WDR72: variants seen among roughly 807,000 people sequenced by gnomAD.
WDR72 encodes the protein WD repeat domain 72, also known as WD repeat-containing protein 72.
In WDR72, 120 loss-of-function variants were observed where a neutral mutation model predicts 124.2. The ratio of observed to expected loss-of-function variants is 0.97; its 90% CI spans 0.83 to 1.12. The LOEUF (loss-of-function observed/expected upper bound fraction) is 1.12. Ranked by LOEUF, WDR72 falls within the 50% of genes most tolerant of loss-of-function variation. The pLI, the probability that WDR72 is intolerant of heterozygous loss-of-function variation, is 0.00. For missense variants in WDR72, 1,387 were observed against 1,278.8 expected (o/e 1.08, Z -1.29); for synonymous variants, 452 against 441.7 (o/e 1.02, Z -0.29).
At chr15:53,659,340 C>T (rs1297558789) in intron 14 of WDR72, among the ~76,000 whole-genome samples, 1 of 152,130 alleles carries the variant, frequency 6.6e-6, no homozygotes, top group Non-Finnish European at 1.5e-5. Context: ...CCGTTGCTGG[C>T]ACTCCCCACC....
chr15:53,677,156 A>G (rs758995635), intron 13 of WDR72, among the ~76,000 whole-genome samples: 4 of 151,956 alleles, frequency 2.6e-5, no homozygotes, highest in Non-Finnish European at 4.4e-5. Flanking sequence ...TCCTGACCTC[A>G]TGATCCACCC....
At chr15:53,578,970 C>T (rs1426055589) in intron 18 of WDR72, among the ~76,000 whole-genome samples, 1 of 152,048 alleles carries the variant, frequency 6.6e-6, no homozygotes, top group Admixed American at 6.6e-5. Flanking sequence ...TTTGGGCTTC[C>T]CTGTGAGCAG....
chr15:53,589,961 A>C (rs1039478001), intron 18 of WDR72, among the ~76,000 whole-genome samples: 2 of 152,058 alleles, frequency 1.3e-5, no homozygotes, highest in Non-Finnish European at 2.9e-5. Context: ...GGCAAAAGGG[A>C]AATGATGAAA....
intron 3 of WDR72, among the ~76,000 whole-genome samples, chr15:53,717,214 AT>A (rs2017739395): frequency 6.6e-6 from 1 of 152,172 alleles, no homozygotes; most frequent in South Asian, 2.1e-4. Flanking sequence ...ATTTAGAAAA[AT>A]ATTATTATTT....
At chr15:53,629,371 T>C (rs1428692084) in intron 14 of WDR72, among the ~76,000 whole-genome samples, 2 of 151,524 alleles carry the variant, frequency 1.3e-5, no homozygotes, top group Non-Finnish European at 2.9e-5. Flanking sequence ...ATATATTAAC[T>C]CCAGATAAAA....
chr15:53,602,992 C>T (rs1038357233), intron 17 of WDR72, among the ~76,000 whole-genome samples: 1 of 152,076 alleles, frequency 6.6e-6, no homozygotes, highest in Non-Finnish European at 1.5e-5. Flanking sequence ...TTCTATGAGG[C>T]CAGCATCATC....
intron 14 of WDR72, among the ~76,000 whole-genome samples, chr15:53,653,028 CCTCTGTA>C (rs79839463): frequency 0.35 from 52,440 of 151,566 alleles, 10,397 homozygotes; most frequent in Middle Eastern, 0.56. Flanking sequence ...AGGTCACTAT[CCTCTGTA>C]CAACCAAGTC....
intron 18 of WDR72, among the ~76,000 whole-genome samples, chr15:53,530,585 T>C (rs550071375): frequency 5.3e-4 from 81 of 152,094 alleles, no homozygotes; most frequent in Middle Eastern, 3.4e-3. Context: ...TACCCACATA[T>C]TGATAAATTG....
chr15:53,523,424 C>T (rs565962859), intron 18 of WDR72, 102 bp from the exon 19 acceptor site: 3 of 1,070,552 alleles, frequency 2.8e-6, no homozygotes, highest in East Asian at 2.4e-5. Flanking sequence ...ACAGATATTT[C>T]CAGGGACACA....
In WDR72 at chr15:53,517,625, T is replaced by C; in HGVS notation, c.*74A>G. The C allele has an allele frequency of 6.8e-7, 1 of 1,474,772 alleles. No homozygotes were observed. The highest frequency in any genetic ancestry group is 9.5e-7 in the Non-Finnish European group (1 of 1,053,686). 91.4% of individuals were successfully genotyped at this position (1,474,772 alleles called of 1,614,324 possible). Reference sequence around the variant, plus strand: ...TTGACCAATAACAACAATGCTTTTATACAGTAATAAACAAATGGCATCTTT... The same window carrying C: ...TTGACCAATAACAACAATGCTTTTACACAGTAATAAACAAATGGCATCTTT... On this transcript the variant is annotated 3_prime_UTR_variant, in exon 20 of 20. Transcript: ENST00000360509.
At chr15:53,531,708 T>C (rs1892478627) in intron 18 of WDR72, among the ~76,000 whole-genome samples, 1 of 152,048 alleles carries the variant, frequency 6.6e-6, no homozygotes, top group East Asian at 1.9e-4. Context: ...TATAATCTAA[T>C]GATACTTCCA....
At chr15:53,730,720 A>C (rs893007083) in intron 2 of WDR72, among the ~76,000 whole-genome samples, 2 of 152,084 alleles carry the variant, frequency 1.3e-5, no homozygotes, top group Non-Finnish European at 2.9e-5. Context: ...CCTTTTTTAC[A>C]GTCTCTTCTG....
Position 53,672,182 on chromosome 15 carries a change from G to A in WDR72, c.1766-6414C>T, listed in dbSNP as rs369870091. Among the ~76,000 whole-genome samples, 7 of 152,102 alleles carry A rather than the reference G, an allele frequency of 4.6e-5. No individual in the cohort carries two copies. In the East Asian group the frequency reaches 9.7e-4, roughly 21 times the overall value. On this transcript the variant is annotated intron_variant, in intron 13 of 19. Transcript: ENST00000360509. Reference sequence around the variant, plus strand: ...GCCCTAATAAGAATGGGGCAGAGATGTTTCTATTACGGTAAAGGCCAAGTT... The same window carrying A: ...GCCCTAATAAGAATGGGGCAGAGATATTTCTATTACGGTAAAGGCCAAGTT...
chr15:53,516,960 T>C lies in WDR72; in HGVS notation c.*739A>G, dbSNP rs915091048. The stretch of plus-strand genomic sequence containing the variant: ...AGAGTTTATACTTAATAAGGATCAA[T>C]TGTGATATGCTGTAAGTTGATTCCC... On this transcript the variant is annotated 3_prime_UTR_variant, in exon 20 of 20. Transcript: ENST00000360509. 2 of 152,068 alleles carry C rather than the reference T, an allele frequency of 1.3e-5. No homozygotes were observed. Among genetic ancestry groups the C allele is most frequent in the Non-Finnish European group, 1.5e-5 (1 of 67,946 alleles). The allele number at this position is 152,068 out of a possible 1,614,324, so 9.4% of individuals were successfully genotyped here.
intron 18 of WDR72, among the ~76,000 whole-genome samples, chr15:53,536,605 T>C (rs1197246929): frequency 6.6e-6 from 1 of 152,146 alleles, no homozygotes; most frequent in Non-Finnish European, 1.5e-5. Flanking sequence ...GGTGGATGAA[T>C]GTATGAACAA....
chr15:53,702,444 G>T, intron 11 of WDR72, 90 bp from the exon 12 acceptor site: 1 of 1,070,728 alleles, frequency 9.3e-7, no homozygotes, highest in Admixed American at 1.9e-5. Flanking sequence ...TTTAACATAA[G>T]GAAATTACAT....
At position 53,611,603 on chromosome 15, in the gene WDR72, T is replaced by C. The variant is rs1173692989; in HGVS notation, c.2873-2011A>G. ...CTGGGGCTATTTAGATGGAACATTA[T>C]CTGTAATCATAAATGTGAGAAGTGG... is the stretch of plus-strand genomic sequence containing the variant. On this transcript the variant is annotated intron_variant, in intron 16 of 19. Transcript: ENST00000360509. Among the ~76,000 whole-genome samples, 3 of 152,092 alleles carry C rather than the reference T, an allele frequency of 2.0e-5. No homozygotes were observed. In the East Asian group the frequency reaches 5.8e-4, roughly 29 times the overall value.
At chr15:53,579,321 A>G (rs1430382366) in intron 18 of WDR72, among the ~76,000 whole-genome samples, 2 of 152,118 alleles carry the variant, frequency 1.3e-5, no homozygotes, top group Admixed American at 1.3e-4. Flanking sequence ...AACCAGAATT[A>G]TTAATAGAGT....
rs545511315 is a variant in WDR72 at position 53,729,799 on chromosome 15, CA to C, written c.153+3197del. ...TTAACACCCATTAGAATGGCTATTA[CA>C]AAAAAAAAAATAAAGTAACTAGCAC... On this transcript the variant is annotated intron_variant, in intron 2 of 19. Transcript: ENST00000360509. Among the ~76,000 whole-genome samples, 101 of 141,492 alleles carry C rather than the reference CA, an allele frequency of 7.1e-4. 2 individuals are homozygous for C. Among genetic ancestry groups the C allele is most frequent in the East Asian group, 1.4e-3 (7 of 4,998 alleles). The allele number at this position is 141,492 out of a possible 152,430, so 92.8% of individuals were successfully genotyped here. A position where few individuals can be genotyped will look rare whatever the true frequency, so the allele number is the denominator to read the frequency against.
Sources: gnomAD v4.1 joint callset for allele counts (sites outside exome capture counted in the v4.1 genomes callset) on GRCh38, gnomAD v4.1.1 for gene constraint, MANE v1.5 for transcripts, NCBI Gene and HGNC (gene_info 2026-07-23, HGNC 2026-07-21) for gene names.